Variants in NTM observed in about 807,000 individuals in gnomAD.
The protein encoded by NTM is IgLON family member 2.
NTM carries 13 observed loss-of-function variants against 42.1 expected under a neutral mutation model. The observed-to-expected ratio is 0.31, with a 90% CI of 0.20 to 0.49. NTM has a LOEUF of 0.49. Ranked by LOEUF, NTM falls within the 20% of genes least tolerant of loss-of-function variation. The pLI is 0.99. For synonymous variants in NTM, 187 were observed against 179.2 expected (o/e 1.04, Z -0.35); for missense variants, 373 against 452.8 (o/e 0.82, Z 1.60).
chr11:132,335,460 T>A lies in NTM; in HGVS notation c.*314T>A. On this transcript the variant is annotated 3_prime_UTR_variant, in exon 9 of 9. Transcript: ENST00000683400. ...TCGTGCAACCTCTTTGGTGCCAGTG[T>A]GGGCAAGGGCTCAGCCTCTCTGCCC... 3.2e-6 allele frequency: 1 copy of A among 316,626 alleles called. No homozygotes were observed. Among genetic ancestry groups the A allele is most frequent in the South Asian group, 3.0e-5 (1 of 33,274 alleles). The allele number at this position is 316,626 out of a possible 1,614,324, so 19.6% of individuals were successfully genotyped here.
chr11:131,534,849 T>A (rs2051893316), intron 1 of NTM: 1 of 152,274 alleles, frequency 6.6e-6, no homozygotes, highest in South Asian at 2.1e-4. Context: ...CTGAGCATGC[T>A]GAGCCCTTGA....
rs576946565 is a variant in NTM at position 131,513,171 on chromosome 11, T to C, written c.82+142283T>C. Reference sequence around the variant, plus strand: ...GCGTAAGCTGTGGCCCTTCCGTGGCTGAAGGCCTGAACCCAAAGTGCAAAG... The same window carrying C: ...GCGTAAGCTGTGGCCCTTCCGTGGCCGAAGGCCTGAACCCAAAGTGCAAAG... On this transcript the variant is annotated intron_variant, in intron 1 of 8. Transcript: ENST00000683400. Among the ~76,000 whole-genome samples, 3 of 152,370 alleles carry C rather than the reference T, an allele frequency of 2.0e-5. No homozygotes were observed. The East Asian group carries it at 5.8e-4, about 29-fold the overall frequency.
intron 2 of NTM, among the ~76,000 whole-genome samples, chr11:131,922,676 G>A (rs941117485): frequency 5.9e-5 from 9 of 152,098 alleles, no homozygotes; most frequent in Admixed American, 3.3e-4. Flanking sequence ...GGCTCTTCTG[G>A]TGGCATCTTG....
At chr11:131,574,849 C>T (rs550799324) in intron 1 of NTM, among the ~76,000 whole-genome samples, 4 of 152,228 alleles carry the variant, frequency 2.6e-5, no homozygotes, top group African/African-American at 9.6e-5. Flanking sequence ...CCCCACTCCC[C>T]ACTGTTACCT....
At chr11:131,789,635 A>AAGAAGAAG (rs2090463396) in intron 1 of NTM, among the ~76,000 whole-genome samples, 1 of 37,904 alleles carries the variant, frequency 2.6e-5, no homozygotes, top group African/African-American at 9.4e-5. Context: ...GAAGAAGAAG[A>AAGAAGAAG]AAAGAAGAAG....
chr11:131,588,028 C>T (rs2059028712), intron 1 of NTM, among the ~76,000 whole-genome samples: 10 of 152,188 alleles, frequency 6.6e-5, no homozygotes, highest in Admixed American at 6.5e-4. Flanking sequence ...AGGCACTGTT[C>T]TAAATGATTG....
chr11:132,077,820 C>G (rs189626672), intron 2 of NTM, among the ~76,000 whole-genome samples: 1 of 152,308 alleles, frequency 6.6e-6, no homozygotes, highest in East Asian at 1.9e-4. Context: ...ATGCTGGTCT[C>G]AAACTCCTTG....
At chr11:131,512,856 C>T (rs773654255) in intron 1 of NTM, among the ~76,000 whole-genome samples, 14 of 152,170 alleles carry the variant, frequency 9.2e-5, no homozygotes, top group Non-Finnish European at 1.6e-4. Flanking sequence ...CCATGCCCCC[C>T]ACCCTCTCCC....
chr11:132,030,385 T>C (rs1202230243), intron 2 of NTM, among the ~76,000 whole-genome samples: 3 of 152,210 alleles, frequency 2.0e-5, no homozygotes, highest in Non-Finnish European at 2.9e-5. Context: ...CACTGTGCTG[T>C]AGGATAGGGA....
intron 1 of NTM, among the ~76,000 whole-genome samples, chr11:131,720,333 T>C (rs970739448): frequency 1.3e-5 from 2 of 152,320 alleles, no homozygotes; most frequent in Non-Finnish European, 2.9e-5. Context: ...TCCCAGGATT[T>C]GTGATTATGC....
chr11:132,298,667 T>C (rs1400517389), intron 4 of NTM, among the ~76,000 whole-genome samples: 1 of 152,234 alleles, frequency 6.6e-6, no homozygotes, highest in African/African-American at 2.4e-5. Context: ...AAGTTGAAGC[T>C]TCTCTTTAAT....
At chr11:131,990,376 C>T (rs558981927) in intron 2 of NTM, among the ~76,000 whole-genome samples, 7 of 152,126 alleles carry the variant, frequency 4.6e-5, no homozygotes, top group East Asian at 1.9e-4. Context: ...TTTAAATTTT[C>T]GCTTAAATAT....
At chr11:131,865,199 C>G (rs1228461620) in intron 1 of NTM, among the ~76,000 whole-genome samples, 3 of 152,238 alleles carry the variant, frequency 2.0e-5, no homozygotes, top group Non-Finnish European at 4.4e-5. Context: ...GATCGAGTAG[C>G]CTACCCCTGA....
intron 3 of NTM, among the ~76,000 whole-genome samples, chr11:132,199,870 C>A (rs190533413): frequency 6.6e-6 from 1 of 151,964 alleles, no homozygotes; most frequent in Non-Finnish European, 1.5e-5. Context: ...TCCCTCCAAT[C>A]TCGGGGGGAG....
intron 1 of NTM, among the ~76,000 whole-genome samples, chr11:131,870,716 A>C (rs527892785): frequency 3.3e-5 from 5 of 152,286 alleles, no homozygotes; most frequent in Admixed American, 1.3e-4. Flanking sequence ...TCAGAGAGAA[A>C]ATGATTGAAA....
chr11:131,573,607 AG>A (rs2057658432), intron 1 of NTM: 1 of 152,228 alleles, frequency 6.6e-6, no homozygotes, highest in Non-Finnish European at 1.5e-5. Context: ...CTTCTGAAAC[AG>A]TTCCCCCTCC....
At chr11:131,840,078 T>A (rs74899435) in intron 1 of NTM, among the ~76,000 whole-genome samples, 2,698 of 152,232 alleles carry the variant, frequency 0.018, 73 homozygotes, top group African/African-American at 0.062. Flanking sequence ...TCGCACTTGG[T>A]GTGTCTGTTA....
Position 132,326,549 on chromosome 11 carries a change from C to G in NTM, c.935-3604C>G, listed in dbSNP as rs868168289. On this transcript the variant is annotated intron_variant, in intron 7 of 8. Transcript: ENST00000683400. ...ACTTCTCTCCTGTGAACTGATGACT[C>G]TGGTTGGAAGGCTTTCTGTGCCAAC... 3.3e-5 allele frequency among the ~76,000 whole-genome samples: 5 copies of G among 152,316 alleles called. No individual in the cohort carries two copies. In the Middle Eastern group the frequency reaches 0.01, roughly 311 times the overall value.
At chr11:131,954,653 G>C (rs573291769) in intron 2 of NTM, among the ~76,000 whole-genome samples, 91 of 152,134 alleles carry the variant, frequency 6.0e-4, no homozygotes, top group African/African-American at 2.1e-3. Flanking sequence ...AAAACATTAT[G>C]TTTGTTGTGC....
Sources: allele counts gnomAD v4.1 joint callset (sites outside exome capture counted in the v4.1 genomes callset), GRCh38; gene constraint gnomAD v4.1.1; transcripts MANE v1.5; gene names NCBI Gene and HGNC (gene_info 2026-07-23, HGNC 2026-07-21).